Variants in BTRC observed in about 807,000 individuals in gnomAD.
BTRC encodes the protein beta-transducin repeat containing E3 ubiquitin protein ligase.
In BTRC, 42 loss-of-function variants were observed where a neutral mutation model predicts 85.5. The observed-to-expected ratio is 0.49, with a 90% confidence interval of 0.38 to 0.64. The LOEUF is 0.64. BTRC is among the 30% of genes least tolerant of loss of function. BTRC has a pLI of 0.00. For synonymous variants in BTRC, 255 were observed against 263.3 expected, an observed-to-expected ratio of 0.97 and a Z score of 0.30; for missense variants, 594 against 743.5, an observed-to-expected ratio of 0.80 and a Z score of 2.34.
chr10:101,403,473 A>G (rs558617674), intron 1 of BTRC, among the ~76,000 whole-genome samples: 1 of 152,300 alleles, frequency 6.6e-6, no homozygotes, highest in South Asian at 2.1e-4. Context: ...ATTTTTGCCT[A>G]TATGGCCATA....
chr10:101,430,199 A>G, intron 1 of BTRC, 146 bp from the exon 2 acceptor site: 1 of 520,000 alleles, frequency 1.9e-6, no homozygotes, highest in Non-Finnish European at 3.4e-6. Context: ...GGTTAAAGCC[A>G]GTAAGTAGTG....
intron 2 of BTRC, among the ~76,000 whole-genome samples, chr10:101,446,184 C>T (rs1455182866): frequency 1.5e-5 from 2 of 137,170 alleles, no homozygotes; most frequent in East Asian, 4.6e-4. Flanking sequence ...CATCCATGTA[C>T]TAGTAAGAGA....
intron 4 of BTRC, among the ~76,000 whole-genome samples, chr10:101,504,814 T>A (rs1455293995): frequency 6.6e-6 from 1 of 151,966 alleles, no homozygotes; most frequent in Non-Finnish European, 1.5e-5. Context: ...TCTTGACTTC[T>A]CTAACAGCAA....
rs765938566 is a variant in BTRC at position 101,550,771 on chromosome 10, A to G, written c.1729A>G (p.Ile577Val). Residue 577 changes from isoleucine (I) to valine (V), a missense_variant, in exon 14 of 15, where the codon ATC becomes GTC. By Grantham distance (29) the Ile-to-Val change is conservative (BLOSUM62 3). This residue lies in a region of BTRC where 56 missense variants were observed against 39.6 expected (regional missense o/e 1.41). Transcript: ENST00000370187. ...QIVSSSHDDTILIWDFLNDPA... is the reference protein window; with the variant it reads ...QIVSSSHDDTVLIWDFLNDPA... ...TGTCAGTAGTTCACATGATGACACAATCCTCATCTGGGACTTCCTAAATGA... is the reference window on the plus strand; with the variant it reads ...TGTCAGTAGTTCACATGATGACACAGTCCTCATCTGGGACTTCCTAAATGA... 6.8e-6 allele frequency: 11 copies of G among 1,613,800 alleles called. No individual in the cohort carries two copies. Among genetic ancestry groups the G allele is most frequent in the South Asian group, 5.5e-5 (5 of 91,050 alleles).
Position 101,430,442 on chromosome 10 carries a change from C to A in BTRC, c.146C>A (p.Thr49Lys), listed in dbSNP as rs1158434766. 1 of 1,613,680 alleles carries A rather than the reference C, an allele frequency of 6.2e-7. No homozygotes were observed. The highest frequency in any genetic ancestry group is 1.1e-5 in the South Asian group (1 of 91,002). ...CLYNPGTGAL[T>K]AFQNSSERED... Reference sequence around the variant, plus strand: ...TATAACCCAGGGACTGGCGCACTCACAGCTTTCCAGGTACTTTCTCTGTCT... The same window carrying A: ...TATAACCCAGGGACTGGCGCACTCAAAGCTTTCCAGGTACTTTCTCTGTCT... The change falls in exon 2 of 15, where the codon ACA becomes AAA. Residue 49 changes from threonine (T) to lysine (K), a missense_variant. Thr to Lys is a moderately conservative substitution (Grantham distance 78, BLOSUM62 -1). Transcript: ENST00000370187.
At chr10:101,360,371 T>C (rs1283241721) in intron 1 of BTRC, among the ~76,000 whole-genome samples, 1 of 58,194 alleles carries the variant, frequency 1.7e-5, no homozygotes, top group Admixed American at 1.9e-4. Context: ...TGGGATCTGC[T>C]TTTTTTTTTT....
At chr10:101,374,963 G>A (rs531325521) in intron 1 of BTRC, among the ~76,000 whole-genome samples, 14 of 152,132 alleles carry the variant, frequency 9.2e-5, no homozygotes, top group Non-Finnish European at 2.1e-4. Flanking sequence ...TGCCAGTTAA[G>A]GAGGCACAAA....
intron 11 of BTRC, 68 bp from the exon 12 acceptor site, chr10:101,536,475 A>G (rs1262293306): frequency 8.4e-7 from 1 of 1,186,256 alleles, no homozygotes; most frequent in South Asian, 1.2e-5. Flanking sequence ...TATGAGGTGT[A>G]TTGTTATAAC....
chr10:101,541,943 T>C (rs2062475172), intron 13 of BTRC, among the ~76,000 whole-genome samples: 1 of 85,340 alleles, frequency 1.2e-5, no homozygotes, highest in Non-Finnish European at 2.1e-5. Context: ...GTTGGCCTTA[T>C]AAAATTTTGA....
intron 13 of BTRC, among the ~76,000 whole-genome samples, chr10:101,549,052 CA>C (rs1319987974): frequency 0.019 from 2,286 of 117,800 alleles, 21 homozygotes; most frequent in Non-Finnish European, 0.028. Flanking sequence ...GACTCTGTCT[CA>C]AAAAAAAAAA....
chr10:101,528,393 A>G lies in BTRC; in HGVS notation c.743+2194A>G, dbSNP rs543349415. Among the ~76,000 whole-genome samples the G allele has an allele frequency of 3.3e-5, 5 of 152,328 alleles. No homozygotes were observed. In the East Asian group the frequency reaches 9.6e-4, roughly 29 times the overall value. On this transcript the variant is annotated intron_variant, in intron 6 of 14. Transcript: ENST00000370187. ...AGTTACAAAGAAAAAACAATCATTG[A>G]GAAGATGGCTTTTGAGCCTTTCTAA...
intron 4 of BTRC, among the ~76,000 whole-genome samples, chr10:101,493,371 T>A (rs1946182593): frequency 6.6e-6 from 1 of 152,240 alleles, no homozygotes; most frequent in South Asian, 2.1e-4. Flanking sequence ...ATCACAATAG[T>A]CTCATTGTGT....
Position 101,376,870 on chromosome 10 carries a change from A to G in BTRC, c.48+22642A>G, listed in dbSNP as rs148407255. Among the ~76,000 whole-genome samples the G allele has an allele frequency of 3.8e-3, 584 of 152,256 alleles. 6 individuals carry two copies. Among genetic ancestry groups the G allele is most frequent in the African/African-American group, 0.013 (547 of 41,560 alleles). The stretch of plus-strand genomic sequence containing the variant: ...TTTATTGAATAGGCATTCCACTCTC[A>G]TTCCATTTTACTCTTTAAATATATA... On this transcript the variant is annotated intron_variant, in intron 1 of 14. Transcript: ENST00000370187.
chr10:101,471,524 A>G (rs1267855140), intron 3 of BTRC, among the ~76,000 whole-genome samples: 1 of 152,108 alleles, frequency 6.6e-6, no homozygotes, highest in Non-Finnish European at 1.5e-5. Flanking sequence ...CATGTGAGGT[A>G]CTGGTTTGCA....
At chr10:101,494,111 CTG>C (rs1416399457) in intron 4 of BTRC, among the ~76,000 whole-genome samples, 1 of 152,210 alleles carries the variant, frequency 6.6e-6, no homozygotes, top group Non-Finnish European at 1.5e-5. Context: ...TAATGAATAA[CTG>C]TTTTCAGACA....
chr10:101,454,292 A>G (rs1037623557), intron 2 of BTRC, among the ~76,000 whole-genome samples: 5 of 152,216 alleles, frequency 3.3e-5, no homozygotes, highest in Non-Finnish European at 5.9e-5. Context: ...CAGTGCAGAC[A>G]TTTATCTAAT....
chr10:101,538,411 G>C, intron 13 of BTRC, 40 bp downstream of exon 13: 1 of 1,543,282 alleles, frequency 6.5e-7, no homozygotes, highest in South Asian at 1.1e-5. Context: ...GAGAGCAGGT[G>C]GGGGAAGAAA....
intron 3 of BTRC, among the ~76,000 whole-genome samples, chr10:101,468,613 A>G (rs759300420): frequency 4.6e-5 from 7 of 152,178 alleles, no homozygotes; most frequent in Non-Finnish European, 8.8e-5. Context: ...TGTGTGGGAC[A>G]TGATTTGATG....
chr10:101,509,481 C>T (rs1408231862), intron 4 of BTRC, among the ~76,000 whole-genome samples: 1 of 149,506 alleles, frequency 6.7e-6, no homozygotes, highest in African/African-American at 2.5e-5. Context: ...GTCTCGATCT[C>T]CTGACCTCGT....
Sources: allele counts gnomAD v4.1 joint callset (sites outside exome capture counted in the v4.1 genomes callset), GRCh38; gene constraint gnomAD v4.1.1; regional missense constraint gnomAD v4.1.1; transcripts MANE v1.5; gene names NCBI Gene and HGNC (gene_info 2026-07-23, HGNC 2026-07-21).